The following CYP4A22 variants were observed in gnomAD, a reference collection of about 807,000 sequenced individuals.
CYP4A22 encodes the protein cytochrome P450 4A22.
A neutral mutation model predicts 56.2 loss-of-function variants in CYP4A22; 46 were observed. The observed-to-expected ratio is 0.82, with a 90% confidence interval of 0.65 to 1.05. The LOEUF (loss-of-function observed/expected upper bound fraction) is 1.05. Ranked by LOEUF, CYP4A22 falls within the 50% of genes least tolerant of loss-of-function variation. The pLI is 0.00. For synonymous variants in CYP4A22, 193 were observed against 251.1 expected, an observed-to-expected ratio of 0.77 and a Z score of 2.19; for missense variants, 541 against 645.9, an observed-to-expected ratio of 0.84 and a Z score of 1.76.
chr1:47,143,535 G>C, intron 5 of CYP4A22, 142 bp downstream of exon 5: 1 of 1,488,772 alleles, frequency 6.7e-7, no homozygotes, highest in East Asian at 2.3e-5. Context: ...TTCCTGTCCA[G>C]ACCAAACAAA....
intron 1 of CYP4A22, among the ~76,000 whole-genome samples, chr1:47,138,997 C>A (rs867536721): frequency 3.9e-5 from 6 of 152,220 alleles, no homozygotes; most frequent in Admixed American, 6.5e-5. Context: ...AGAGCAGAAC[C>A]AATGTGGGGA....
intron 5 of CYP4A22, among the ~76,000 whole-genome samples, 165 bp from the exon 6 acceptor site, chr1:47,143,597 T>C (rs888657473): frequency 1.3e-5 from 2 of 152,186 alleles, no homozygotes; most frequent in South Asian, 2.1e-4. Context: ...TGGATGTTCA[T>C]ACCATCTGAT....
chr1:47,139,184 C>T (rs1352901900), intron 1 of CYP4A22, among the ~76,000 whole-genome samples: 3 of 152,228 alleles, frequency 2.0e-5, no homozygotes, highest in Admixed American at 6.5e-5. Context: ...TCATATCTAT[C>T]GGTCAAGGCC....
rs377247931 is a variant in CYP4A22 at position 47,148,667 on chromosome 1, G to A, written c.1430G>A (p.Arg477His). ...LKVARALTLL[R>H]FELLPDPTRI... is the part of the protein sequence containing the mutation. ...GTGGCCAGGGCCCTGACCCTGCTCC[G>A]CTTTGAGCTGCTGCCTGATCCCACC... Residue 477 changes from arginine (R) to histidine (H), a missense_variant, in exon 12 of 12, where the codon CGC becomes CAC. Arg to His is a conservative substitution (Grantham distance 29). Transcript: ENST00000371891. The A allele has an allele frequency of 2.4e-5, 38 of 1,614,062 alleles. No homozygotes were observed. The highest frequency in any genetic ancestry group is 1.7e-4 in the Middle Eastern group (1 of 6,060).
At chr1:47,140,592 C>T (rs1485537542) in intron 1 of CYP4A22, among the ~76,000 whole-genome samples, 188 bp from the exon 2 acceptor site, 1 of 152,180 alleles carries the variant, frequency 6.6e-6, no homozygotes, top group Non-Finnish European at 1.5e-5. Context: ...TGAGTGAGGG[C>T]TCATAGCGCT....
At chr1:47,140,737 T>C (rs1275033149) in intron 1 of CYP4A22, 43 bp from the exon 2 acceptor site, 2 of 1,610,454 alleles carry the variant, frequency 1.2e-6, no homozygotes, top group Middle Eastern at 1.6e-4. Flanking sequence ...CTGCAAAGAC[T>C]AGAAGTAAAT....
chr1:47,144,915 T>C lies in CYP4A22; in HGVS notation c.1167T>C (p.Ile389=). The C allele has an allele frequency of 8.1e-6, 13 of 1,614,106 alleles. No individual in the cohort carries two copies. Among genetic ancestry groups the C allele is most frequent in the African/African-American group, 1.3e-5 (1 of 75,022 alleles). ...GGCTCTACCCACCGGTGCCAGGCAT[T>C]GGAAGAGAGCTCAGCACTCCCGTCA... The part of the protein sequence containing the change: ...ALRLYPPVPG[I]GRELSTPVTF... The change falls in exon 9 of 12, where the codon ATT becomes ATC. Residue 389 remains isoleucine, a synonymous_variant. Coordinates refer to ENST00000371891, the MANE Select transcript of CYP4A22 (RefSeq NM_001010969.4).
intron 1 of CYP4A22, among the ~76,000 whole-genome samples, chr1:47,139,066 A>G (rs1338756567): frequency 6.6e-6 from 1 of 152,146 alleles, no homozygotes; most frequent in African/African-American, 2.4e-5. Context: ...CTTCTTTCCC[A>G]TTCTCCTCTT....
chr1:47,141,244 T>C (rs1308776771), intron 2 of CYP4A22, among the ~76,000 whole-genome samples: 2 of 152,208 alleles, frequency 1.3e-5, no homozygotes, highest in African/African-American at 4.8e-5. Flanking sequence ...AAGCTCTAAT[T>C]GTTGCCTGTC....
chr1:47,142,538 T>C (rs1340042930), intron 4 of CYP4A22, among the ~76,000 whole-genome samples: 2 of 152,228 alleles, frequency 1.3e-5, no homozygotes, highest in Non-Finnish European at 2.9e-5. Context: ...TGCAATCTTG[T>C]TGGACAGTAG....
At chr1:47,140,661 A>T in intron 1 of CYP4A22, 119 bp from the exon 2 acceptor site, 1 of 1,466,996 alleles carries the variant, frequency 6.8e-7, no homozygotes. Context: ...TCAGGTCATC[A>T]GAAACAGATC....
chr1:47,141,074 T>A (rs2148554851), intron 2 of CYP4A22, among the ~76,000 whole-genome samples, 153 bp downstream of exon 2: 1 of 152,270 alleles, frequency 6.6e-6, no homozygotes, highest in East Asian at 1.9e-4. Flanking sequence ...CAGGCTGTAG[T>A]CAAAAATATT....
intron 1 of CYP4A22, among the ~76,000 whole-genome samples, chr1:47,138,909 C>G (rs1437449493): frequency 6.6e-6 from 1 of 152,232 alleles, no homozygotes; most frequent in East Asian, 1.9e-4. Context: ...ATGAATTGAA[C>G]ACACTTAAGT....
chr1:47,147,331 C>G (rs1645087429), intron 11 of CYP4A22: 1 of 985,150 alleles, frequency 1.0e-6, no homozygotes, highest in African/African-American at 1.7e-5. Flanking sequence ...ATATTTTACT[C>G]TCAGTGTATT....
At position 47,142,182 on chromosome 1, in the gene CYP4A22, G is replaced by T. The variant is rs200279801; in HGVS notation, c.457G>T (p.Asp153Tyr). Reference protein sequence around the residue: ...RRMLTPAFHNDILKPYVGLMA... With the variant: ...RRMLTPAFHNYILKPYVGLMA... ...GATGCTGACCCCAGCCTTCCACAAT[G>T]ACATCCTGAAGCCATACGTGGGGCT... Residue 153 changes from aspartate to tyrosine, a missense_variant, in exon 4 of 12, where the codon GAC becomes TAC. By Grantham distance (160) the Asp-to-Tyr change is radical. This residue lies in a region of CYP4A22 where 335 missense variants were observed against 361.2 expected (regional missense o/e 0.93). Transcript: ENST00000371891. 2 of 1,613,766 alleles carry T rather than the reference G, an allele frequency of 1.2e-6. No individual in the cohort carries two copies. The highest frequency in any genetic ancestry group is 1.3e-5 in the African/African-American group (1 of 74,988).
intron 3 of CYP4A22, 65 bp from the exon 4 acceptor site, chr1:47,142,043 C>A (rs1438450183): frequency 6.5e-7 from 1 of 1,538,636 alleles, no homozygotes; most frequent in African/African-American, 1.4e-5. Context: ...CAAATTGTCA[C>A]CAGTCATCCC....
chr1:47,141,435 T>C (rs1645007977), intron 2 of CYP4A22, 136 bp from the exon 3 acceptor site: 6 of 963,466 alleles, frequency 6.2e-6, no homozygotes, highest in Middle Eastern at 2.2e-4. Context: ...AGGACAGAAA[T>C]AGAAGTGGAT....
At chr1:47,141,350 A>T (rs952189351) in intron 2 of CYP4A22, among the ~76,000 whole-genome samples, 1 of 152,128 alleles carries the variant, frequency 6.6e-6, no homozygotes, top group African/African-American at 2.4e-5. Flanking sequence ...TATCTCACCA[A>T]TTCACCTTCC....
At chr1:47,141,750 TA>T in intron 3 of CYP4A22, 135 bp downstream of exon 3, 1 of 1,218,868 alleles carries the variant, frequency 8.2e-7, no homozygotes, top group Non-Finnish European at 1.1e-6. Context: ...TTCCCTCTTC[TA>T]ACAAGACCCT....
Sources: allele counts gnomAD v4.1 joint callset (sites outside exome capture counted in the v4.1 genomes callset), GRCh38; gene constraint gnomAD v4.1.1; regional missense constraint gnomAD v4.1.1; transcripts MANE v1.5; gene names NCBI Gene and HGNC (gene_info 2026-07-23, HGNC 2026-07-21).